Variants in TMEM165 observed in about 807,000 individuals in gnomAD.
TMEM165 encodes transmembrane protein 165, also known as putative divalent cation/proton antiporter TMEM165.
A neutral mutation model predicts 30.0 loss-of-function variants in TMEM165; 19 were observed. The ratio of observed to expected loss-of-function variants is 0.63; its 90% confidence interval spans 0.44 to 0.93. The LOEUF is 0.93. Among genes scored for constraint, TMEM165 ranks in the 40% least tolerant of loss-of-function variants. The pLI is 0.00. For synonymous variants in TMEM165, 168 were observed against 162.9 expected (o/e 1.03, Z -0.24); for missense variants, 340 against 417.0 (o/e 0.82, Z 1.61).
chr4:55,416,608 C>T (rs1204952361), intron 2 of TMEM165, among the ~76,000 whole-genome samples: 2 of 152,092 alleles, frequency 1.3e-5, no homozygotes, highest in Admixed American at 6.6e-5. Context: ...AGACTTTTGT[C>T]ATGATTCTTC....
intron 1 of TMEM165, 33 bp downstream of exon 1, chr4:55,396,429 C>T: frequency 2.9e-6 from 4 of 1,396,852 alleles, no homozygotes; most frequent in Non-Finnish European, 3.7e-6. Flanking sequence ...AGCGAGGCTG[C>T]AGGGCCGGCT....
chr4:55,434,062 T>C (rs1419088330), intron 3 of TMEM165: 1 of 152,640 alleles, frequency 6.6e-6, no homozygotes, highest in Non-Finnish European at 1.5e-5. Context: ...AAGAGACTGA[T>C]AGCAGTCTTC....
At chr4:55,450,725 T>G in intron 3 of TMEM165, among the ~76,000 whole-genome samples, 1 of 151,684 alleles carries the variant, frequency 6.6e-6, no homozygotes, top group Non-Finnish European at 1.5e-5. Flanking sequence ...GCCGAGATCC[T>G]GCCACTGCAT....
chr4:55,403,049 C>G (rs930657816), intron 1 of TMEM165, among the ~76,000 whole-genome samples: 4 of 151,982 alleles, frequency 2.6e-5, no homozygotes, highest in African/African-American at 9.7e-5. Flanking sequence ...CTGGGCCTCC[C>G]AAAGTGCTGG....
chr4:55,438,232 T>A (rs929134794), intron 3 of TMEM165: 3 of 1,602,402 alleles, frequency 1.9e-6, no homozygotes, highest in Non-Finnish European at 2.6e-6. Context: ...CTTAATTTCA[T>A]TACATGAAAG....
intron 1 of TMEM165, among the ~76,000 whole-genome samples, chr4:55,402,226 A>G (rs1421774358): frequency 6.9e-6 from 1 of 144,792 alleles, no homozygotes; most frequent in Non-Finnish European, 1.5e-5. Context: ...AAATAATTTT[A>G]TTACAAAATA....
Position 55,445,582 on chromosome 4 carries a change from C to CTTTTTTTTTT in TMEM165, c.409-6640_409-6631dup, listed in dbSNP as rs56157186. Among the ~76,000 whole-genome samples, 49 of 68,590 alleles carry CTTTTTTTTTT rather than the reference C, an allele frequency of 7.1e-4. 7 individuals are homozygous for CTTTTTTTTTT. Among genetic ancestry groups the CTTTTTTTTTT allele is most frequent in the Non-Finnish European group, 8.5e-4 (31 of 36,616 alleles). The allele number at this position is 68,590 out of a possible 152,430, so 45.0% of individuals were successfully genotyped here. ...TCTCTGCATCTGCTATTTCTATATT[C>CTTTTTTTTTT]TTTTTTTTTTTTTTTTTTTTTTTTT... On this transcript the variant is annotated intron_variant, in intron 3 of 3. Coordinates refer to the TMEM165 transcript ENST00000608091.
At chr4:55,420,551 G>A (rs941191960) in intron 4 of TMEM165, among the ~76,000 whole-genome samples, 2 of 151,990 alleles carry the variant, frequency 1.3e-5, no homozygotes, top group African/African-American at 2.4e-5. Context: ...TATCTAGCAT[G>A]GTCCCCCACA....
chr4:55,402,947 C>T (rs1405534188), intron 1 of TMEM165, among the ~76,000 whole-genome samples: 6 of 151,536 alleles, frequency 4.0e-5, no homozygotes. Flanking sequence ...GCCCGCCACA[C>T]GCCCAGCTAA....
chr4:55,411,519 CAAG>C, intron 1 of TMEM165, 92 bp from the exon 2 acceptor site: 2 of 1,143,662 alleles, frequency 1.7e-6, no homozygotes, highest in South Asian at 1.4e-5. Flanking sequence ...ATGACCATGA[CAAG>C]AAAATTTTCA....
chr4:55,423,887 G>T (rs957824084), intron 4 of TMEM165: 1 of 148,972 alleles, frequency 6.7e-6, no homozygotes, highest in African/African-American at 2.4e-5. Context: ...CTCTGCAGCT[G>T]GTTGTCTGGT....
rs745450221 is a variant in TMEM165 at position 55,435,464 on chromosome 4, C to T, written c.408+10821C>T. The T allele has an allele frequency of 1.2e-5, 20 of 1,613,970 alleles. No homozygotes were observed. Among genetic ancestry groups the T allele is most frequent in the South Asian group, 5.5e-5 (5 of 91,062 alleles). ...GTCGGGCAAGCTGTCAGTCCTGTGC[C>T]GGCTGAGTTGCTGCTGTTGCTGAGA... On this transcript the variant is annotated intron_variant, in intron 3 of 3. Coordinates refer to the TMEM165 transcript ENST00000608091.
chr4:55,427,053 T>TTTGA (rs10654590), downstream of TMEM165, among the ~76,000 whole-genome samples: 1,070 of 143,938 alleles, frequency 7.4e-3, 31 homozygotes, highest in East Asian at 0.017. Flanking sequence ...TTTTTTTTTT[T>TTTGA]GAGAGAGTCT....
chr4:55,452,683 A>G, exon 4 of TMEM165: 1 of 197,006 alleles, frequency 5.1e-6, no homozygotes, highest in Non-Finnish European at 1.0e-5. Flanking sequence ...TCTTTAGGGA[A>G]GATTTTTTTT....
At chr4:55,431,718 AAGC>A (rs1722516242) in intron 3 of TMEM165, 2 of 152,234 alleles carry the variant, frequency 1.3e-5, no homozygotes, top group Non-Finnish European at 2.9e-5. Context: ...AGAAAGAAAA[AAGC>A]AGAAATACTA....
chr4:55,408,167 A>G (rs1332971814), intron 1 of TMEM165, among the ~76,000 whole-genome samples: 1 of 152,166 alleles, frequency 6.6e-6, no homozygotes, highest in Non-Finnish European at 1.5e-5. Flanking sequence ...GTACCCCGAT[A>G]CTTTTCGTTT....
intron 2 of TMEM165, among the ~76,000 whole-genome samples, chr4:55,413,185 G>A (rs1578237308): frequency 6.6e-6 from 1 of 151,992 alleles, no homozygotes; most frequent in East Asian, 1.9e-4. Flanking sequence ...TGGTTGTGTT[G>A]CCCAGGCTGA....
intron 3 of TMEM165, 187 bp from the exon 4 acceptor site, chr4:55,417,616 A>C (rs1721791636): frequency 1.7e-6 from 1 of 594,022 alleles, no homozygotes; most frequent in South Asian, 2.3e-5. Flanking sequence ...GAAACGGAAG[A>C]ATTGAGACTA....
downstream of TMEM165, among the ~76,000 whole-genome samples, chr4:55,427,450 C>T (rs1016738585): frequency 6.6e-6 from 1 of 151,962 alleles, no homozygotes; most frequent in Non-Finnish European, 1.5e-5. Flanking sequence ...TCAAGCAGTT[C>T]TCCTGCCTCA....
Sources: gnomAD v4.1 joint callset for allele counts (sites outside exome capture counted in the v4.1 genomes callset) on GRCh38, gnomAD v4.1.1 for gene constraint, MANE v1.5 for transcripts, NCBI Gene and HGNC (gene_info 2026-07-23, HGNC 2026-07-21) for gene names.